EFTUD2: variants seen among roughly 807,000 people sequenced by gnomAD.
The protein encoded by EFTUD2 is elongation factor Tu GTP binding domain containing 2, also known as 116 kDa U5 small nuclear ribonucleoprotein component.
A neutral mutation model predicts 114.3 loss-of-function variants in EFTUD2; 9 were observed. That is an observed-to-expected ratio of 0.08 (90% CI 0.05 to 0.14). The LOEUF (loss-of-function observed/expected upper bound fraction) is 0.14, where lower values mean the gene tolerates loss of function less well. Among genes scored for constraint, EFTUD2 ranks in the 10% least tolerant of loss-of-function variants. The pLI is 1.00. For synonymous variants in EFTUD2, 449 were observed against 462.3 expected (o/e 0.97, Z 0.37); for missense variants, 765 against 1,241.2 (o/e 0.62, Z 5.76).
chr17:44,854,210 C>A lies in EFTUD2; in HGVS notation c.2347+59G>T, dbSNP rs2050505749. 2 of 1,542,494 alleles carry A rather than the reference C, an allele frequency of 1.3e-6. No homozygotes were observed. Among genetic ancestry groups the A allele is most frequent in the Non-Finnish European group, 1.8e-6 (2 of 1,134,748 alleles). ...CTAAAGATGGTGAGCCCATCCCACT[C>A]ATATGCCTGGCTGCAAGGACCCTCG... On this transcript the variant is annotated intron_variant, in intron 23 of 27. Transcript: ENST00000426333. The surrounding 1 kb of genome is among the most constrained non-coding windows in gnomAD (Gnocchi z 4.3).
rs149304709 is a variant in EFTUD2 at position 44,886,044 on chromosome 17, C to T, written c.271+541G>A. 4.1e-4 allele frequency among the ~76,000 whole-genome samples: 63 copies of T among 152,174 alleles called. No individual in the cohort carries two copies. In the East Asian group the frequency reaches 9.9e-3, roughly 24 times the overall value. On this transcript the variant is annotated intron_variant, in intron 3 of 27. Coordinates refer to ENST00000426333, the MANE Select transcript of EFTUD2 (RefSeq NM_004247.4). The stretch of plus-strand genomic sequence containing the variant: ...TTGAGGTCAGGAGTTCAAGACCAGC[C>T]AGGCCAACATGGTGAAACCCCGTTT...
chr17:44,857,779 G>T (rs1310888408), intron 19 of EFTUD2: 1 of 153,572 alleles, frequency 6.5e-6, no homozygotes, highest in African/African-American at 2.4e-5. Context: ...GAATCTGGGA[G>T]AGACAGTCCC....
chr17:44,889,815 G>A (rs557981478), intron 2 of EFTUD2, among the ~76,000 whole-genome samples: 1 of 152,196 alleles, frequency 6.6e-6, no homozygotes, highest in African/African-American at 2.4e-5. Flanking sequence ...TACTGGTGGT[G>A]GCTCCAAATA....
Position 44,855,844 on chromosome 17 carries a change from C to T in EFTUD2, c.2046-840G>A, listed in dbSNP as rs372231734. Among the ~76,000 whole-genome samples, 23 of 149,558 alleles carry T rather than the reference C, an allele frequency of 1.5e-4. 1 individual carries two copies. The South Asian group carries it at 4.2e-3, about 28-fold the overall frequency. On this transcript the variant is annotated intron_variant, in intron 20 of 27. Transcript: ENST00000426333. ...CTCACTCCCTGTAGTCCTAGCTACT[C>T]GGGAGGCTGAGGCAGGGGAATTGCT...
intron 13 of EFTUD2, among the ~76,000 whole-genome samples, chr17:44,867,189 A>T (rs1189914501): frequency 6.6e-6 from 1 of 152,200 alleles, no homozygotes; most frequent in Non-Finnish European, 1.5e-5. Context: ...AAATTTCCGT[A>T]ACTGAAATGA....
rs1365407453 is a variant in EFTUD2 at position 44,850,136 on chromosome 17, G to C, written c.*1138C>G. The C allele has an allele frequency of 5.5e-6, 3 of 545,048 alleles. No homozygotes were observed. The highest frequency in any genetic ancestry group is 1.9e-5 in the African/African-American group (1 of 53,252). 33.8% of individuals were successfully genotyped at this position (545,048 alleles called of 1,614,324 possible). ...CACAATACATGTGAAAGTGTTTCGT[G>C]AACTGTCAGATAAGTGGTTTCCCCA... On this transcript the variant is annotated 3_prime_UTR_variant, in exon 28 of 28. Coordinates refer to ENST00000426333, the MANE Select transcript of EFTUD2 (RefSeq NM_004247.4).
At chr17:44,856,953 C>T (rs1177346330) in intron 20 of EFTUD2, 122 bp downstream of exon 20, 3 of 758,088 alleles carry the variant, frequency 4.0e-6, no homozygotes, top group Non-Finnish European at 6.8e-6. Context: ...GTAAGCACCC[C>T]CTATTCTGAG....
At chr17:44,873,616 C>T (rs903374246) in intron 10 of EFTUD2, among the ~76,000 whole-genome samples, 2 of 152,078 alleles carry the variant, frequency 1.3e-5, no homozygotes, top group African/African-American at 4.8e-5. Context: ...TCCCAAAGTG[C>T]TGGGATTCTA....
chr17:44,858,370 G>A (rs1418285973), intron 19 of EFTUD2, among the ~76,000 whole-genome samples: 6 of 151,598 alleles, frequency 4.0e-5, no homozygotes, highest in Non-Finnish European at 8.8e-5. Context: ...GGAGTAGCTG[G>A]GACTATAGGT....
intron 25 of EFTUD2, among the ~76,000 whole-genome samples, chr17:44,852,926 G>C (rs1305309026): frequency 1.3e-5 from 2 of 151,758 alleles, no homozygotes; most frequent in Non-Finnish European, 2.9e-5. Flanking sequence ...TGTCGCCCAG[G>C]CTGGAATGCA....
intron 11 of EFTUD2, among the ~76,000 whole-genome samples, chr17:44,870,067 C>T (rs1387704959): frequency 7.2e-5 from 11 of 152,144 alleles, no homozygotes; most frequent in South Asian, 2.1e-4. Flanking sequence ...ATGAAGAGGA[C>T]GACTCAATGA....
intron 2 of EFTUD2, among the ~76,000 whole-genome samples, chr17:44,891,326 A>G (rs1188336435): frequency 6.6e-6 from 1 of 152,206 alleles, no homozygotes; most frequent in African/African-American, 2.4e-5. Flanking sequence ...GTAAGAACTA[A>G]AGAGTATGAG....
rs910380427 is a variant in EFTUD2, at chr17:44,860,002, A to G, written c.1763T>C (p.Ile588Thr). 6 of 1,614,076 alleles carry G rather than the reference A, an allele frequency of 3.7e-6. No homozygotes were observed. Among genetic ancestry groups the G allele is most frequent in the Admixed American group, 3.3e-5 (2 of 59,970 alleles). Reference protein sequence around the residue: ...RPLKFNTTSVIKIAVEPVNPS... With the variant: ...RPLKFNTTSVTKIAVEPVNPS... ...GTTGACTGGCTCCACAGCAATCTTG[A>G]TAACAGATGTGGTATTGAACTTCAA... The change falls in exon 18 of 28, where the codon ATC becomes ACC. Residue 588 changes from isoleucine to threonine, a missense_variant. This residue lies in a region of EFTUD2 where 149 missense variants were observed against 245.1 expected (regional missense o/e 0.61). Coordinates refer to ENST00000426333, the MANE Select transcript of EFTUD2 (RefSeq NM_004247.4).
intron 2 of EFTUD2, among the ~76,000 whole-genome samples, chr17:44,888,145 T>C (rs2051210613): frequency 6.6e-6 from 1 of 152,188 alleles, no homozygotes; most frequent in Non-Finnish European, 1.5e-5. Flanking sequence ...GTGGCAACTT[T>C]GAGGTTTAGC....
chr17:44,877,281 C>G (rs1255375845), intron 9 of EFTUD2, among the ~76,000 whole-genome samples: 2 of 151,916 alleles, frequency 1.3e-5, no homozygotes, highest in Non-Finnish European at 2.9e-5. Context: ...TCTAGAACAT[C>G]TTTTTGTGCT....
At chr17:44,894,627 C>G (rs2051344544) in intron 1 of EFTUD2, 102 bp from the exon 2 acceptor site, 1 of 802,754 alleles carries the variant, frequency 1.2e-6, no homozygotes, top group Admixed American at 1.9e-5. Flanking sequence ...GGCCATACCC[C>G]TTTCACATGC....
At chr17:44,857,582 G>A in intron 19 of EFTUD2, 1 of 206,736 alleles carries the variant, frequency 4.8e-6, no homozygotes, top group Non-Finnish European at 1.0e-5. Flanking sequence ...GCCCCAACAT[G>A]GTCTGCTGCC....
chr17:44,887,954 A>ACTGAGCACTTAATATGTG lies in EFTUD2; in HGVS notation c.106-1222_106-1205dup, dbSNP rs561478319. 1.4e-4 allele frequency among the ~76,000 whole-genome samples: 22 copies of ACTGAGCACTTAATATGTG among 152,372 alleles called. No individual in the cohort carries two copies. The East Asian group carries it at 4.2e-3, about 29-fold the overall frequency. ...TCACCCTTTAAGTCCTAAAACACTT[A>ACTGAGCACTTAATATGTG]CTGAGCACTTAATATGTGCTAAGCA... On this transcript the variant is annotated intron_variant, in intron 2 of 27. Coordinates refer to ENST00000426333, the MANE Select transcript of EFTUD2 (RefSeq NM_004247.4).
chr17:44,858,459 A>G (rs2050597193), intron 19 of EFTUD2, among the ~76,000 whole-genome samples: 1 of 152,122 alleles, frequency 6.6e-6, no homozygotes, highest in Non-Finnish European at 1.5e-5. Flanking sequence ...AAGGAGAGCA[A>G]TGGCACAATG....
Sources: gnomAD v4.1 joint callset for allele counts (sites outside exome capture counted in the v4.1 genomes callset) on GRCh38, gnomAD v4.1.1 for gene constraint, gnomAD v4.1.1 regional missense constraint, Gnocchi (gnomAD v3.1) non-coding constraint, MANE v1.5 for transcripts, NCBI Gene and HGNC (gene_info 2026-07-23, HGNC 2026-07-21) for gene names.